Variants in ANO4 observed in about 807,000 individuals in gnomAD.
ANO4 encodes anoctamin 4, also known as anoctamin-4.
A neutral mutation model predicts 141.9 loss-of-function variants in ANO4; 69 were observed. The ratio of observed to expected loss-of-function variants is 0.49; its 90% CI spans 0.40 to 0.59. The LOEUF is 0.59. Among genes scored for constraint, ANO4 ranks in the 20% least tolerant of loss-of-function variants. ANO4 has a pLI of 0.00. For missense variants in ANO4, 894 were observed against 1,162.2 expected, an observed-to-expected ratio of 0.77 and a Z score of 3.36; for synonymous variants, 350 against 394.3, an observed-to-expected ratio of 0.89 and a Z score of 1.33.
chr12:100,838,586 T>C (rs1219594578), intron 1 of ANO4, among the ~76,000 whole-genome samples: 1 of 152,092 alleles, frequency 6.6e-6, no homozygotes, highest in Non-Finnish European at 1.5e-5. Flanking sequence ...TGGGAATACA[T>C]ATGGTAAAAA....
intron 3 of ANO4, among the ~76,000 whole-genome samples, chr12:100,938,584 G>A (rs943776416): frequency 6.6e-6 from 1 of 152,182 alleles, no homozygotes; most frequent in Non-Finnish European, 1.5e-5. Flanking sequence ...TCTTTCCTCT[G>A]CTGGTGATGA....
chr12:100,825,789 C>T (rs1030049456), intron 1 of ANO4, among the ~76,000 whole-genome samples: 1 of 152,014 alleles, frequency 6.6e-6, no homozygotes, highest in African/African-American at 2.4e-5. Context: ...ATATCTTCAG[C>T]TTTTACAAAG....
intron 2 of ANO4, among the ~76,000 whole-genome samples, chr12:100,904,132 T>C (rs569261774): frequency 4.9e-4 from 74 of 152,270 alleles, no homozygotes; most frequent in Admixed American, 3.9e-4. Flanking sequence ...ATTTGTAGGG[T>C]AGGACCGAAC....
chr12:100,826,456 A>G (rs1259458063), intron 1 of ANO4, among the ~76,000 whole-genome samples: 2 of 152,130 alleles, frequency 1.3e-5, no homozygotes, highest in Non-Finnish European at 1.5e-5. Context: ...AACCGTATTC[A>G]TGGATGTATT....
chr12:100,927,924 T>A (rs1201016368), intron 3 of ANO4, among the ~76,000 whole-genome samples: 1 of 152,138 alleles, frequency 6.6e-6, no homozygotes, highest in Non-Finnish European at 1.5e-5. Context: ...TCTGAGGAGT[T>A]AAAAGGATTG....
intron 14 of ANO4, among the ~76,000 whole-genome samples, chr12:101,056,653 G>A (rs1157893867): frequency 6.6e-6 from 1 of 151,906 alleles, no homozygotes; most frequent in Non-Finnish European, 1.5e-5. Context: ...AGACATCCTT[G>A]CCTTATGCCC....
At chr12:101,109,208 C>A (rs558494657) in intron 22 of ANO4, among the ~76,000 whole-genome samples, 2 of 152,126 alleles carry the variant, frequency 1.3e-5, no homozygotes, top group Non-Finnish European at 2.9e-5. Flanking sequence ...TGCATCATAT[C>A]GGGGTGTGTA....
At chr12:100,723,394 A>G (rs925638195) in intron 1 of ANO4, among the ~76,000 whole-genome samples, 3 of 152,028 alleles carry the variant, frequency 2.0e-5, no homozygotes, top group African/African-American at 7.3e-5. Flanking sequence ...GTAGATAGTC[A>G]TCTTCTTGCT....
intron 14 of ANO4, chr12:101,066,633 G>A (rs1016935003): frequency 7.3e-6 from 4 of 547,406 alleles, no homozygotes; most frequent in African/African-American, 1.9e-5. Context: ...CCTGCTGGGA[G>A]AGTATCCATG....
At chr12:101,036,444 C>T (rs1324077892) in intron 9 of ANO4, among the ~76,000 whole-genome samples, 5 of 152,124 alleles carry the variant, frequency 3.3e-5, no homozygotes. Flanking sequence ...ATGAAAACAA[C>T]CCAAGTGTCC....
At chr12:100,883,078 C>A (rs1007916152) in intron 1 of ANO4, among the ~76,000 whole-genome samples, 2 of 152,212 alleles carry the variant, frequency 1.3e-5, no homozygotes, top group Admixed American at 1.3e-4. Flanking sequence ...AGCCAAGCTG[C>A]GACACAAGTA....
intron 8 of ANO4, among the ~76,000 whole-genome samples, chr12:101,015,506 C>T (rs570183987): frequency 4.6e-5 from 7 of 152,278 alleles, no homozygotes; most frequent in Middle Eastern, 3.4e-3. Context: ...ATCCTATCCC[C>T]CACTGATTAA....
rs1026073956 is a variant in ANO4 at position 100,894,793 on chromosome 12, C to T, written c.-140-6853C>T. ...CATCCCGGCTAAAACGGTGAAACCC[C>T]GTCTCTACTAAAAATACAAAAAATT... On this transcript the variant is annotated intron_variant, in intron 1 of 27. Coordinates refer to ENST00000392977, the MANE Select transcript of ANO4 (RefSeq NM_001286615.2). Among the ~76,000 whole-genome samples, 10 of 151,592 alleles carry T rather than the reference C, an allele frequency of 6.6e-5. No homozygotes were observed. The East Asian group carries it at 7.8e-4, about 12-fold the overall frequency.
intron 1 of ANO4, among the ~76,000 whole-genome samples, chr12:100,884,725 C>T (rs1425571463): frequency 2.0e-5 from 3 of 152,234 alleles, no homozygotes; most frequent in East Asian, 3.9e-4. Flanking sequence ...GATGGAATCT[C>T]GCTCTATCAC....
In ANO4 at chr12:100,987,687, A is replaced by G. The variant is rs2044772841; in HGVS notation, c.734+17A>G. ...GATCCATCAGTGAGTGTTCCATGTT[A>G]AAGCCCCATCTCACTAAGGATGTGC... On this transcript the variant is annotated intron_variant, in intron 8 of 27. Transcript: ENST00000392977. 6.2e-7 allele frequency: 1 copy of G among 1,612,840 alleles called. No homozygotes were observed. The highest frequency in any genetic ancestry group is 1.7e-5 in the Admixed American group (1 of 59,956).
chr12:101,085,371 T>A (rs956332137), intron 16 of ANO4, among the ~76,000 whole-genome samples: 1 of 151,984 alleles, frequency 6.6e-6, no homozygotes, highest in Non-Finnish European at 1.5e-5. Flanking sequence ...CAGATGGAAA[T>A]TTTTTTTAAA....
chr12:100,831,433 A>G (rs996270070), intron 1 of ANO4, among the ~76,000 whole-genome samples: 14 of 152,116 alleles, frequency 9.2e-5, no homozygotes, highest in African/African-American at 2.9e-4. Flanking sequence ...AAGTCACTCA[A>G]TGAGTATTTC....
chr12:100,795,106 T>C (rs562448712), intron 1 of ANO4, 79 bp downstream of exon 1: 1 of 152,888 alleles, frequency 6.5e-6, no homozygotes, highest in African/African-American at 2.4e-5. Context: ...CAGCTAAGCT[T>C]AGTGACCTTC....
chr12:100,978,777 A>G (rs552124093), intron 7 of ANO4, among the ~76,000 whole-genome samples: 1 of 152,334 alleles, frequency 6.6e-6, no homozygotes, highest in East Asian at 1.9e-4. Flanking sequence ...GGGCTAGGGA[A>G]AATATTGTTG....
Sources: gnomAD v4.1 joint callset for allele counts (sites outside exome capture counted in the v4.1 genomes callset) on GRCh38, gnomAD v4.1.1 for gene constraint, MANE v1.5 for transcripts, NCBI Gene and HGNC (gene_info 2026-07-23, HGNC 2026-07-21) for gene names.